The following ENG variants were observed in gnomAD, a reference collection of about 807,000 sequenced individuals.
The protein encoded by ENG is endoglin.
Under a neutral mutation model 71.0 loss-of-function variants are expected in ENG, and 17 were observed. The observed-to-expected ratio is 0.24, with a 90% CI of 0.16 to 0.36. The LOEUF (loss-of-function observed/expected upper bound fraction) is 0.36. Ranked by LOEUF, ENG falls within the 10% of genes least tolerant of loss-of-function variation. The pLI, the probability that ENG is intolerant of heterozygous loss-of-function variation, is 1.00. For synonymous variants in ENG, 360 were observed against 366.9 expected (o/e 0.98, Z 0.21); for missense variants, 749 against 868.3 (o/e 0.86, Z 1.73).
At chr9:127,833,052 C>T (rs576511897) in intron 2 of ENG, among the ~76,000 whole-genome samples, 3 of 152,200 alleles carry the variant, frequency 2.0e-5, no homozygotes, top group Admixed American at 6.5e-5. Flanking sequence ...CCACTGCACC[C>T]GGCCGCTCTC....
At chr9:127,827,754 C>T (rs113094179) in intron 3 of ENG, among the ~76,000 whole-genome samples, 3 of 152,074 alleles carry the variant, frequency 2.0e-5, no homozygotes, top group South Asian at 2.1e-4. Flanking sequence ...CAGTGGCTCA[C>T]GCCTGTAAAC....
chr9:127,851,243 A>G (rs1831276810), intron 1 of ENG, among the ~76,000 whole-genome samples: 1 of 151,788 alleles, frequency 6.6e-6, no homozygotes, highest in African/African-American at 2.4e-5. Flanking sequence ...TTTTTGATAC[A>G]AAGTGTTGCT....
At chr9:127,835,425 G>A (rs1830877585) in intron 2 of ENG, among the ~76,000 whole-genome samples, 1 of 152,110 alleles carries the variant, frequency 6.6e-6, no homozygotes, top group African/African-American at 2.4e-5. Context: ...TTGCTGTGCG[G>A]CCCCATCTGC....
intron 10 of ENG, chr9:127,819,327 C>G: frequency 2.3e-6 from 1 of 444,180 alleles, no homozygotes; most frequent in Non-Finnish European, 4.2e-6. Context: ...ATTGGCTGCC[C>G]AGAAGCACCC....
At chr9:127,826,446 C>T in intron 4 of ENG, 64 bp downstream of exon 4, 1 of 1,603,386 alleles carries the variant, frequency 6.2e-7, no homozygotes, top group Non-Finnish European at 8.5e-7. Context: ...AGGTGTGGGC[C>T]AGAGGAGCTC....
At chr9:127,841,027 T>C (rs1000698349) in intron 2 of ENG, 2 of 152,480 alleles carry the variant, frequency 1.3e-5, no homozygotes, top group African/African-American at 4.8e-5. Flanking sequence ...GGGGAACCTC[T>C]AGCTCCTGCC....
In ENG at chr9:127,818,308, C is replaced by T. The variant is rs554788017; in HGVS notation, c.1498G>A (p.Glu500Lys). The T allele has an allele frequency of 1.9e-6, 3 of 1,614,080 alleles. No homozygotes were observed. Among genetic ancestry groups the T allele is most frequent in the South Asian group, 2.2e-5 (2 of 91,084 alleles). The change falls in exon 12 of 15, where the codon GAG becomes AAG. Residue 500 changes from glutamate (E) to lysine (K), a missense_variant. Physicochemically the swap from Glu to Lys is moderately conservative, Grantham distance 56. Coordinates refer to ENST00000373203, the MANE Select transcript of ENG (RefSeq NM_001114753.3). ...LDSCHLDLGPEGGTVELIQGR... is the reference protein window; with the variant it reads ...LDSCHLDLGPKGGTVELIQGR... ...TGGATGAGTTCCACGGTGCCTCCCT[C>T]AGGCCCCAAGTCCAGGTGGCAGCTG...
chr9:127,833,070 T>C (rs1299343406), intron 2 of ENG, among the ~76,000 whole-genome samples: 1 of 152,240 alleles, frequency 6.6e-6, no homozygotes. Context: ...CTCACATTTT[T>C]CCACACATTT....
rs761931311 is a variant in ENG, at chr9:127,829,992, C to T, written c.220-165G>A. Among the ~76,000 whole-genome samples, 36 of 152,042 alleles carry T rather than the reference C, an allele frequency of 2.4e-4. 1 individual carries two copies. Among genetic ancestry groups the T allele is most frequent in the Non-Finnish European group, 3.7e-4 (25 of 68,020 alleles). On this transcript the variant is annotated intron_variant, in intron 2 of 14. Transcript: ENST00000373203. ...GGTAGTGCCTGTCCCTCTGGCCATC[C>T]TCAGGGAATTCACAATAAACAAATG...
Position 127,818,730 on chromosome 9 carries a change from G to A in ENG, c.1414C>T (p.Gln472Ter). 6.2e-7 allele frequency: 1 copy of A among 1,614,120 alleles called. No homozygotes were observed. The highest frequency in any genetic ancestry group is 8.5e-7 in the Non-Finnish European group (1 of 1,180,010). The stretch of plus-strand genomic sequence containing the variant: ...ATGCCAGGTACCTGCACAAAGCTCT[G>A]CTGCCCCGGCTCGATGGTGTTGGAG... ...QASNTIEPGQ[Q>*]SFVQVRVSPS... is the part of the protein sequence containing the mutation. The change falls in exon 11 of 15, where the codon CAG becomes TAG. Residue 472 changes from glutamine to a stop codon, truncating the protein, a stop_gained. Transcript: ENST00000373203. LOFTEE classifies it high-confidence loss of function.
chr9:127,826,492 G>A lies in ENG; in HGVS notation c.523+18C>T. 2 of 1,613,934 alleles carry A rather than the reference G, an allele frequency of 1.2e-6. No individual in the cohort carries two copies. The highest frequency in any genetic ancestry group is 1.7e-6 in the Non-Finnish European group (2 of 1,179,912). ...TGAGCAGTATCATGAGCCCAGAGAG[G>A]TTGCTGGGGAAACTGACCTTGGCCC... On this transcript the variant is annotated intron_variant, in intron 4 of 14. Coordinates refer to ENST00000373203, the MANE Select transcript of ENG (RefSeq NM_001114753.3).
chr9:127,824,578 G>C, intron 7 of ENG, 132 bp from the exon 8 acceptor site: 1 of 1,245,294 alleles, frequency 8.0e-7, no homozygotes, highest in Non-Finnish European at 1.1e-6. Flanking sequence ...GAGTGCAGTG[G>C]CACGATCTTG....
At chr9:127,850,187 T>C (rs1276841166) in intron 1 of ENG, among the ~76,000 whole-genome samples, 1 of 152,126 alleles carries the variant, frequency 6.6e-6, no homozygotes, top group Non-Finnish European at 1.5e-5. Flanking sequence ...ACAAAAGTTG[T>C]GGGGAAAAGA....
chr9:127,823,482 G>A (rs1329687778), intron 8 of ENG, among the ~76,000 whole-genome samples: 3 of 150,668 alleles, frequency 2.0e-5, no homozygotes, highest in African/African-American at 4.9e-5. Context: ...TCTGCCTCCC[G>A]GGTTCACACC....
chr9:127,835,311 AT>A (rs1173989500), intron 2 of ENG, among the ~76,000 whole-genome samples: 1 of 152,182 alleles, frequency 6.6e-6, no homozygotes, highest in Non-Finnish European at 1.5e-5. Flanking sequence ...TTTTAAAAAT[AT>A]TACGCTTTCT....
At chr9:127,844,182 A>G (rs1339001003) in intron 1 of ENG, among the ~76,000 whole-genome samples, 2 of 149,958 alleles carry the variant, frequency 1.3e-5, no homozygotes, top group African/African-American at 4.9e-5. Context: ...CTGGAGTGCA[A>G]CAGTGTGATC....
chr9:127,830,000 A>C (rs1329481462), intron 2 of ENG, among the ~76,000 whole-genome samples, 173 bp from the exon 3 acceptor site: 1 of 152,088 alleles, frequency 6.6e-6, no homozygotes, highest in African/African-American at 2.4e-5. Flanking sequence ...TCCTCAGGGA[A>C]TTCACAATAA....
chr9:127,843,666 C>T (rs932133495), intron 1 of ENG, among the ~76,000 whole-genome samples: 20 of 118,668 alleles, frequency 1.7e-4, no homozygotes, highest in East Asian at 1.2e-3. Flanking sequence ...CACACATATA[C>T]ATAGATCTAC....
rs41412747 is a variant in ENG at position 127,842,371 on chromosome 9, G to A, written c.219+723C>T. 4.3e-3 allele frequency among the ~76,000 whole-genome samples: 656 copies of A among 151,096 alleles called. 3 individuals carry two copies. The highest frequency in any genetic ancestry group is 0.015 in the African/African-American group (626 of 41,188). On this transcript the variant is annotated intron_variant, in intron 2 of 14. Transcript: ENST00000373203. ...CCTCCCAAGTACAGCTGGGATTACA[G>A]GCATGCGCCACTATGCCTAGCTAAT...
Sources: allele counts gnomAD v4.1 joint callset (sites outside exome capture counted in the v4.1 genomes callset), GRCh38; gene constraint gnomAD v4.1.1; transcripts MANE v1.5; gene names NCBI Gene and HGNC (gene_info 2026-07-23, HGNC 2026-07-21).